Variants in FLVCR1 observed in about 807,000 individuals in gnomAD.
The protein encoded by FLVCR1 is choline/ethanolamine transporter FLVCR1.
In FLVCR1, 34 loss-of-function variants were observed where a neutral mutation model predicts 53.6. The observed-to-expected ratio is 0.63, with a 90% confidence interval of 0.48 to 0.84. The LOEUF (loss-of-function observed/expected upper bound fraction) is 0.84, where lower values mean the gene tolerates loss of function less well. Ranked by LOEUF, FLVCR1 falls within the 40% of genes least tolerant of loss-of-function variation. The probability of loss-of-function intolerance (pLI) is 0.00; values close to 1 mark genes in which losing one functional copy is unlikely to be tolerated. For missense variants in FLVCR1, 677 were observed against 696.7 expected, an observed-to-expected ratio of 0.97 and a Z score of 0.32; for synonymous variants, 300 against 286.3, an observed-to-expected ratio of 1.05 and a Z score of -0.48.
Position 212,858,814 on chromosome 1 carries a change from A to T in FLVCR1, c.362A>T (p.Asn121Ile). The T allele has an allele frequency of 6.2e-7, 1 of 1,614,192 alleles. No individual in the cohort carries two copies. Among genetic ancestry groups the T allele is most frequent in the Non-Finnish European group, 8.5e-7 (1 of 1,180,020 alleles). ...LLIFSLYSLVNAFQWIQYSII... is the reference protein window; with the variant it reads ...LLIFSLYSLVIAFQWIQYSII... ...ATCTTCAGCCTGTACTCGCTGGTCA[A>T]CGCCTTTCAGTGGATCCAGTACAGC... Residue 121 changes from asparagine to isoleucine, a missense_variant, in exon 1 of 10, where the codon AAC becomes ATC. Coordinates refer to ENST00000366971, the MANE Select transcript of FLVCR1 (RefSeq NM_014053.4).
chr1:212,866,655 T>G (rs1219753023), intron 2 of FLVCR1, among the ~76,000 whole-genome samples: 1 of 152,204 alleles, frequency 6.6e-6, no homozygotes, highest in Non-Finnish European at 1.5e-5. Flanking sequence ...TAGGTATGAC[T>G]ATTGGCATAT....
chr1:212,878,928 G>A (rs1464693260), intron 3 of FLVCR1, among the ~76,000 whole-genome samples: 2 of 152,040 alleles, frequency 1.3e-5, no homozygotes, highest in Non-Finnish European at 1.5e-5. Context: ...GGTCAAGGCT[G>A]CAGTGAGCTG....
rs909776771 is a variant in FLVCR1, at chr1:212,899,038, CTGTA to C, written c.*3752_*3755del. 3 of 152,184 alleles carry C rather than the reference CTGTA, an allele frequency of 2.0e-5. No homozygotes were observed. The highest frequency in any genetic ancestry group is 2.9e-5 in the Non-Finnish European group (2 of 68,036). 9.4% of individuals were successfully genotyped at this position (152,184 alleles called of 1,614,324 possible). A position where few individuals can be genotyped will look rare whatever the true frequency, so the allele number is the denominator to read the frequency against. The stretch of plus-strand genomic sequence containing the variant: ...TGGTCAATTGTTGATCGAAACATGA[CTGTA>C]TGTCGTATTTTCAGAAAATGGAATA... On this transcript the variant is annotated 3_prime_UTR_variant, in exon 10 of 10. Transcript: ENST00000366971.
chr1:212,869,719 A>C (rs1664542679), intron 2 of FLVCR1, among the ~76,000 whole-genome samples: 1 of 152,196 alleles, frequency 6.6e-6, no homozygotes, highest in Admixed American at 6.5e-5. Flanking sequence ...TGTTTTTAGT[A>C]GAGACAAGTT....
At chr1:212,867,205 A>C (rs1006405821) in intron 2 of FLVCR1, among the ~76,000 whole-genome samples, 2 of 152,244 alleles carry the variant, frequency 1.3e-5, no homozygotes, top group African/African-American at 4.8e-5. Context: ...CCTCTCCCTC[A>C]TGGAGCTTAT....
At chr1:212,875,526 G>C (rs965818519) in intron 3 of FLVCR1, among the ~76,000 whole-genome samples, 7 of 152,138 alleles carry the variant, frequency 4.6e-5, no homozygotes, top group African/African-American at 1.7e-4. Flanking sequence ...TGGAGTTTTG[G>C]TGTCTTTGAT....
intron 8 of FLVCR1, among the ~76,000 whole-genome samples, chr1:212,892,803 G>A (rs534920154): frequency 6.6e-6 from 1 of 152,052 alleles, no homozygotes; most frequent in Non-Finnish European, 1.5e-5. Flanking sequence ...TTCTGGAAAG[G>A]ATGCACCATC....
Position 212,863,809 on chromosome 1 carries a change from A to C in FLVCR1, c.823A>C (p.Ser275Arg). The C allele has an allele frequency of 6.2e-7, 1 of 1,613,806 alleles. No homozygotes were observed. The highest frequency in any genetic ancestry group is 8.5e-7 in the Non-Finnish European group (1 of 1,179,706). ...NDTNLLACNISTMFYGTSAVA... is the reference protein window; with the variant it reads ...NDTNLLACNIRTMFYGTSAVA... Reference sequence around the variant, plus strand: ...CACAAATCTCCTGGCTTGTAATATCAGCACCATGTTTTATGGAACATCAGC... The same window carrying C: ...CACAAATCTCCTGGCTTGTAATATCCGCACCATGTTTTATGGAACATCAGC... The change falls in exon 2 of 10, where the codon AGC becomes CGC. Residue 275 changes from serine (S) to arginine (R), a missense_variant. Ser to Arg is a moderately radical substitution (Grantham distance 110, BLOSUM62 -1). Coordinates refer to ENST00000366971, the MANE Select transcript of FLVCR1 (RefSeq NM_014053.4).
At chr1:212,874,840 A>G (rs1664709646) in intron 3 of FLVCR1, among the ~76,000 whole-genome samples, 3 of 140,544 alleles carry the variant, frequency 2.1e-5, no homozygotes, top group Admixed American at 1.7e-4. Flanking sequence ...CTTTTTTCTT[A>G]TCACTCTTTT....
intron 3 of FLVCR1, among the ~76,000 whole-genome samples, chr1:212,880,549 G>T (rs957971772): frequency 2.6e-5 from 4 of 152,138 alleles, no homozygotes; most frequent in Admixed American, 6.5e-5. Flanking sequence ...TGTAATTCCA[G>T]CACTTTGGTA....
At chr1:212,876,871 G>A (rs1242286033) in intron 3 of FLVCR1, among the ~76,000 whole-genome samples, 1 of 152,154 alleles carries the variant, frequency 6.6e-6, no homozygotes, top group Non-Finnish European at 1.5e-5. Context: ...GGATTGGTGG[G>A]TCAAATGGTA....
chr1:212,858,869 C>T lies in FLVCR1; in HGVS notation c.417C>T (p.Tyr139=). 1.9e-6 allele frequency: 3 copies of T among 1,614,248 alleles called. No homozygotes were observed. The highest frequency in any genetic ancestry group is 2.5e-6 in the Non-Finnish European group (3 of 1,180,046). The part of the protein sequence containing the change: ...SIISNVFEGF[Y]GVTLLHIDWL... ...TTAGCAACGTCTTCGAGGGCTTCTACGGTGTCACCTTGCTGCACATCGACT... is the reference window on the plus strand; with the variant it reads ...TTAGCAACGTCTTCGAGGGCTTCTATGGTGTCACCTTGCTGCACATCGACT... The change falls in exon 1 of 10, where the codon TAC becomes TAT. Residue 139 remains tyrosine, a synonymous_variant. Transcript: ENST00000366971.
intron 5 of FLVCR1, 63 bp from the exon 6 acceptor site, chr1:212,887,825 GTGA>G (rs1461138928): frequency 1.2e-6 from 1 of 838,400 alleles, no homozygotes. Flanking sequence ...ACAGGTAAGA[GTGA>G]TGATTTTTGT....
At chr1:212,862,164 G>A (rs930746102) in intron 1 of FLVCR1, among the ~76,000 whole-genome samples, 1 of 120,644 alleles carries the variant, frequency 8.3e-6, no homozygotes. Context: ...CATATTTTTT[G>A]TTGAGGTAAA....
At chr1:212,880,427 A>G (rs957571364) in intron 3 of FLVCR1, among the ~76,000 whole-genome samples, 1 of 152,208 alleles carries the variant, frequency 6.6e-6, no homozygotes, top group African/African-American at 2.4e-5. Context: ...TGAGTAAGGG[A>G]TAGACATCAG....
chr1:212,888,932 C>T (rs1444404618), intron 7 of FLVCR1, among the ~76,000 whole-genome samples: 1 of 152,020 alleles, frequency 6.6e-6, no homozygotes, highest in African/African-American at 2.4e-5. Context: ...TCAAGCAATT[C>T]GCCTACCTCA....
At chr1:212,863,907 A>T in intron 2 of FLVCR1, 38 bp downstream of exon 2, 2 of 1,560,768 alleles carry the variant, frequency 1.3e-6, no homozygotes, top group Non-Finnish European at 1.8e-6. Context: ...AAATGAATGC[A>T]TGATAGAAAT....
chr1:212,882,084 C>T (rs1664946341), intron 3 of FLVCR1, among the ~76,000 whole-genome samples: 2 of 152,132 alleles, frequency 1.3e-5, no homozygotes, highest in Admixed American at 1.3e-4. Flanking sequence ...GAACGGATAA[C>T]AACTACTTTG....
In FLVCR1 at chr1:212,858,917, G is replaced by C; in HGVS notation, c.465G>C (p.Leu155=). 1 of 1,614,244 alleles carries C rather than the reference G, an allele frequency of 6.2e-7. No individual in the cohort carries two copies. The highest frequency in any genetic ancestry group is 8.5e-7 in the Non-Finnish European group (1 of 1,180,046). The part of the protein sequence containing the change: ...HIDWLSMVYM[L]AYVPLIFPAT... ...ACTGGCTGTCCATGGTGTACATGCTGGCCTACGTGCCCCTCATCTTCCCGG... is the reference window on the plus strand; with the variant it reads ...ACTGGCTGTCCATGGTGTACATGCTCGCCTACGTGCCCCTCATCTTCCCGG... Residue 155 remains leucine (L), a synonymous_variant, in exon 1 of 10, where the codon CTG becomes CTC. Coordinates refer to ENST00000366971, the MANE Select transcript of FLVCR1 (RefSeq NM_014053.4).
Sources: allele counts gnomAD v4.1 joint callset (sites outside exome capture counted in the v4.1 genomes callset), GRCh38; gene constraint gnomAD v4.1.1; transcripts MANE v1.5; gene names NCBI Gene and HGNC (gene_info 2026-07-23, HGNC 2026-07-21).